BBS7: variants seen among roughly 807,000 people sequenced by gnomAD.
BBS7 encodes the protein Bardet-Biedl syndrome 7, also known as BBSome complex member BBS7.
BBS7 carries 50 observed loss-of-function variants against 90.3 expected under a neutral mutation model. That is an observed-to-expected ratio of 0.55 (90% CI 0.44 to 0.70). The LOEUF (loss-of-function observed/expected upper bound fraction) is 0.70. BBS7 is among the 30% of genes least tolerant of loss of function. The probability of loss-of-function intolerance (pLI) is 0.00; values close to 1 mark genes in which losing one functional copy is unlikely to be tolerated. For missense variants in BBS7, 729 were observed against 838.9 expected, an observed-to-expected ratio of 0.87 and a Z score of 1.62; for synonymous variants, 235 against 287.4, an observed-to-expected ratio of 0.82 and a Z score of 1.85.
intron 13 of BBS7, among the ~76,000 whole-genome samples, chr4:121,836,960 T>G (rs544361195): frequency 1.5e-5 from 2 of 135,688 alleles, no homozygotes; most frequent in South Asian, 2.4e-4. Context: ...GTGTTTTGGG[T>G]TTTTTTTGTT....
chr4:121,832,214 G>A (rs2149052934), intron 15 of BBS7, among the ~76,000 whole-genome samples: 1 of 152,200 alleles, frequency 6.6e-6, no homozygotes, highest in East Asian at 1.9e-4. Context: ...GGTGGTGCAT[G>A]CCTGTGGTCC....
At chr4:121,840,643 G>C (rs1578538801) in intron 12 of BBS7, among the ~76,000 whole-genome samples, 1 of 152,078 alleles carries the variant, frequency 6.6e-6, no homozygotes, top group East Asian at 1.9e-4. Flanking sequence ...AATGTAGCTA[G>C]GTTCATGGAT....
chr4:121,829,748 C>T lies in BBS7; in HGVS notation c.1677-1020G>A, dbSNP rs573670844. ...TGGGACTTTTATTGGAGCCAGTGGG[C>T]AAGAGAAGCTCTATAGCAGCTGAAA... On this transcript the variant is annotated intron_variant, in intron 15 of 18. Transcript: ENST00000264499. 7.9e-5 allele frequency among the ~76,000 whole-genome samples: 12 copies of T among 152,202 alleles called. No homozygotes were observed. In the South Asian group the frequency reaches 2.5e-3, roughly 32 times the overall value.
At chr4:121,869,490 G>A (rs181418333) in intron 1 of BBS7, among the ~76,000 whole-genome samples, 12 of 152,256 alleles carry the variant, frequency 7.9e-5, no homozygotes, top group African/African-American at 2.4e-4. Flanking sequence ...TATGTTGGTA[G>A]GTATGCTAAA....
intron 5 of BBS7, among the ~76,000 whole-genome samples, chr4:121,857,098 C>T (rs890708476): frequency 5.4e-5 from 8 of 149,368 alleles, no homozygotes; most frequent in East Asian, 2.0e-4. Flanking sequence ...ATTTAGAAAA[C>T]GTAAGAAAGC....
chr4:121,868,875 T>C (rs983385235), intron 1 of BBS7, among the ~76,000 whole-genome samples: 2 of 150,166 alleles, frequency 1.3e-5, no homozygotes, highest in African/African-American at 4.9e-5. Context: ...GGGAGAGGAA[T>C]TGGTGAAAAC....
intron 15 of BBS7, among the ~76,000 whole-genome samples, chr4:121,832,576 G>A (rs1379974989): frequency 6.6e-6 from 1 of 152,216 alleles, no homozygotes; most frequent in Non-Finnish European, 1.5e-5. Flanking sequence ...TATAGAAGAT[G>A]AGTTAGAAGT....
chr4:121,835,431 T>C lies in BBS7; in HGVS notation c.1372-148A>G, dbSNP rs1010841337. On this transcript the variant is annotated intron_variant, in intron 13 of 18. Transcript: ENST00000264499. ...GGAGTTGGAAAGCTGTCCAGCTTCT[T>C]TCTCCTGTCCCACTCTGTTCCAATT... 3.4e-6 allele frequency: 3 copies of C among 888,016 alleles called. No individual in the cohort carries two copies. In the African/African-American group the frequency reaches 5.0e-5, roughly 15 times the overall value. 55.0% of individuals were successfully genotyped at this position (888,016 alleles called of 1,614,324 possible). A position where few individuals can be genotyped will look rare whatever the true frequency, so the allele number is the denominator to read the frequency against.
At chr4:121,868,376 T>C (rs752899895) in intron 1 of BBS7, among the ~76,000 whole-genome samples, 14 of 151,956 alleles carry the variant, frequency 9.2e-5, no homozygotes, top group Non-Finnish European at 1.8e-4. Flanking sequence ...GAAAATAGAT[T>C]ATAGTTATTA....
At chr4:121,866,796 GT>G (rs1405631889) in intron 2 of BBS7, among the ~76,000 whole-genome samples, 6 of 152,016 alleles carry the variant, frequency 3.9e-5, no homozygotes, top group Non-Finnish European at 7.4e-5. Flanking sequence ...GTGTCTCTGT[GT>G]TTTTATGCCA....
intron 12 of BBS7, among the ~76,000 whole-genome samples, chr4:121,843,422 T>G (rs1179852718): frequency 6.6e-6 from 1 of 152,048 alleles, no homozygotes; most frequent in East Asian, 1.9e-4. Context: ...GGGGTAGGAA[T>G]GAAGCCAAGT....
rs996990802 is a variant in BBS7, at chr4:121,848,781, T to C, written c.934+63A>G. Reference sequence around the variant, plus strand: ...TTAAAAAGAGTCATCAAAAGCAGTTTATTAAATTTAATTTTTTTTGTTGTT... The same window carrying C: ...TTAAAAAGAGTCATCAAAAGCAGTTCATTAAATTTAATTTTTTTTGTTGTT... On this transcript the variant is annotated intron_variant, in intron 9 of 18. Coordinates refer to ENST00000264499, the MANE Select transcript of BBS7 (RefSeq NM_176824.3). 10 of 1,338,396 alleles carry C rather than the reference T, an allele frequency of 7.5e-6. No homozygotes were observed. In the African/African-American group the frequency reaches 1.3e-4, roughly 18 times the overall value. The allele number at this position is 1,338,396 out of a possible 1,614,324, so 82.9% of individuals were successfully genotyped here. A position where few individuals can be genotyped will look rare whatever the true frequency, so the allele number is the denominator to read the frequency against.
chr4:121,836,641 C>T (rs1211873662), intron 13 of BBS7, among the ~76,000 whole-genome samples: 2 of 152,166 alleles, frequency 1.3e-5, no homozygotes, highest in Admixed American at 6.5e-5. Flanking sequence ...TCTGCTTCTA[C>T]AAGCAATGCT....
At chr4:121,838,052 C>G (rs1020753511) in intron 13 of BBS7, among the ~76,000 whole-genome samples, 20 of 150,540 alleles carry the variant, frequency 1.3e-4, no homozygotes, top group African/African-American at 3.9e-4. Flanking sequence ...TGCAGTGAGT[C>G]AAGATTGTGC....
chr4:121,838,385 T>C (rs1725566115), intron 13 of BBS7, among the ~76,000 whole-genome samples: 1 of 151,556 alleles, frequency 6.6e-6, no homozygotes, highest in African/African-American at 2.4e-5. Context: ...AAAAAACCTT[T>C]GAGTTTCAAA....
intron 12 of BBS7, 98 bp from the exon 13 acceptor site, chr4:121,839,794 C>T (rs898531797): frequency 1.9e-6 from 2 of 1,055,594 alleles, no homozygotes; most frequent in African/African-American, 3.2e-5. Context: ...TGCTTAAGCA[C>T]CTGTCATTGG....
chr4:121,857,328 AG>A (rs1415248240), intron 5 of BBS7, among the ~76,000 whole-genome samples: 2 of 152,114 alleles, frequency 1.3e-5, no homozygotes, highest in Non-Finnish European at 2.9e-5. Context: ...TATGTTGCCC[AG>A]GCTGGTCTTG....
chr4:121,825,172 T>C lies in BBS7; in HGVS notation c.*688A>G, dbSNP rs1724849568. 6.6e-6 allele frequency: 1 copy of C among 152,256 alleles called. No homozygotes were observed. Among genetic ancestry groups the C allele is most frequent in the African/African-American group, 2.4e-5 (1 of 41,450 alleles). The allele number at this position is 152,256 out of a possible 1,614,324, so 9.4% of individuals were successfully genotyped here. On this transcript the variant is annotated 3_prime_UTR_variant, in exon 19 of 19. Coordinates refer to ENST00000264499, the MANE Select transcript of BBS7 (RefSeq NM_176824.3). ...AGCTCTTCTTATTTCCTGGCTACAA[T>C]TTATAGCACTGAGCCAAGTCCAGCA...
chr4:121,831,910 C>A lies in BBS7; in HGVS notation c.1676+1321G>T, dbSNP rs1037620554. Reference sequence around the variant, plus strand: ...TAAGTTTTTAGAACTTAGGAGAAAACCACAATAATCTGCTTAGGGAAAGAA... The same window carrying A: ...TAAGTTTTTAGAACTTAGGAGAAAAACACAATAATCTGCTTAGGGAAAGAA... On this transcript the variant is annotated intron_variant, in intron 15 of 18. Transcript: ENST00000264499. Among the ~76,000 whole-genome samples the A allele has an allele frequency of 3.3e-5, 5 of 151,704 alleles. No homozygotes were observed. In the East Asian group the frequency reaches 7.8e-4, roughly 24 times the overall value.
Sources: allele counts gnomAD v4.1 joint callset (sites outside exome capture counted in the v4.1 genomes callset), GRCh38; gene constraint gnomAD v4.1.1; transcripts MANE v1.5; gene names NCBI Gene and HGNC (gene_info 2026-07-23, HGNC 2026-07-21).